The following CBLN2 variants were observed in gnomAD, a reference collection of about 807,000 sequenced individuals.
CBLN2 encodes the protein cerebellin 2 precursor.
Under a neutral mutation model 15.0 loss-of-function variants are expected in CBLN2, and 7 were observed. The ratio of observed to expected loss-of-function variants is 0.47; its 90% CI spans 0.27 to 0.88. CBLN2 has a LOEUF of 0.88. Among genes scored for constraint, CBLN2 ranks in the 40% least tolerant of loss-of-function variants. The pLI is 0.14. For synonymous variants in CBLN2, 149 were observed against 135.2 expected (o/e 1.10, Z -0.71); for missense variants, 242 against 304.5 (o/e 0.79, Z 1.53).
At chr18:72,605,533 C>A (rs1047717828) in intron 1 of CBLN2, among the ~76,000 whole-genome samples, 1 of 152,032 alleles carries the variant, frequency 6.6e-6, no homozygotes, top group Non-Finnish European at 1.5e-5. Context: ...TAGTAAAGTG[C>A]TTTTAAAAAT....
chr18:72,618,987 G>A (rs967135842), intron 1 of CBLN2: 23 of 766,210 alleles, frequency 3.0e-5, no homozygotes, highest in Non-Finnish European at 4.7e-5. Flanking sequence ...GTGGCAGCGG[G>A]GATGGTCATC....
intron 1 of CBLN2, among the ~76,000 whole-genome samples, chr18:72,564,669 A>G (rs2069282864): frequency 6.6e-6 from 1 of 152,222 alleles, no homozygotes; most frequent in African/African-American, 2.4e-5. Flanking sequence ...CATTATGTGA[A>G]CAAATATTTG....
intron 3 of CBLN2, 193 bp from the exon 4 acceptor site, chr18:72,538,965 C>T (rs2069089013): frequency 1.8e-6 from 1 of 553,472 alleles, no homozygotes; most frequent in Admixed American, 3.1e-5. Context: ...AGGAAGTAAT[C>T]TCAAAGGTAT....
chr18:72,630,359 G>C (rs2069766729), intron 1 of CBLN2, among the ~76,000 whole-genome samples: 1 of 152,074 alleles, frequency 6.6e-6, no homozygotes, highest in Non-Finnish European at 1.5e-5. Context: ...TATGTCACTT[G>C]TCTATCTCTT....
At position 72,595,888 on chromosome 18, in the gene CBLN2, C is replaced by T. The variant is rs576160107; in HGVS notation, c.15+42437G>A. On this transcript the variant is annotated intron_variant, in intron 1 of 2. Coordinates refer to the CBLN2 transcript ENST00000581073. Reference sequence around the variant, plus strand: ...TTGGCATGGAATGTCTTTTTCCATTCCCTTATTTTCAGTCTATGTGTGTCT... The same window carrying T: ...TTGGCATGGAATGTCTTTTTCCATTTCCTTATTTTCAGTCTATGTGTGTCT... 3.4e-3 allele frequency among the ~76,000 whole-genome samples: 509 copies of T among 151,920 alleles called. 6 individuals carry two copies. Among genetic ancestry groups the T allele is most frequent in the African/African-American group, 0.012 (494 of 41,438 alleles).
intron 1 of CBLN2, among the ~76,000 whole-genome samples, chr18:72,625,919 G>A (rs1568135774): frequency 6.7e-6 from 1 of 149,830 alleles, no homozygotes; most frequent in South Asian, 2.1e-4. Flanking sequence ...GATGTGTTGT[G>A]ATTGAGGCTA....
chr18:72,598,801 C>T (rs2069529110), intron 1 of CBLN2, among the ~76,000 whole-genome samples: 1 of 152,212 alleles, frequency 6.6e-6, no homozygotes, highest in African/African-American at 2.4e-5. Context: ...CAGCTGAGTT[C>T]TGTCCTGTGT....
intron 1 of CBLN2, among the ~76,000 whole-genome samples, chr18:72,584,880 C>T (rs1203801889): frequency 3.5e-4 from 54 of 152,200 alleles, no homozygotes; most frequent in Admixed American, 3.5e-3. Context: ...ACCCACTAGG[C>T]CTGGCAGGCT....
chr18:72,563,158 T>G (rs1435192240), intron 1 of CBLN2, among the ~76,000 whole-genome samples: 1 of 151,966 alleles, frequency 6.6e-6, no homozygotes, highest in Non-Finnish European at 1.5e-5. Flanking sequence ...AATCCAGAGA[T>G]TAAATCACAA....
chr18:72,564,652 G>A (rs1405375991), intron 1 of CBLN2, among the ~76,000 whole-genome samples: 1 of 152,162 alleles, frequency 6.6e-6, no homozygotes, highest in Non-Finnish European at 1.5e-5. Context: ...CAATATTTAT[G>A]AGATACCATT....
intron 1 of CBLN2, among the ~76,000 whole-genome samples, chr18:72,574,538 G>T (rs1026769813): frequency 2.0e-5 from 3 of 152,164 alleles, no homozygotes; most frequent in Admixed American, 6.5e-5. Flanking sequence ...TTGTGTATGT[G>T]AGAGGTGATG....
chr18:72,559,234 T>G (rs116975597), intron 1 of CBLN2, among the ~76,000 whole-genome samples: 1,831 of 152,304 alleles, frequency 0.012, 18 homozygotes, highest in Non-Finnish European at 0.018. Flanking sequence ...TGCAATACAA[T>G]TAACCAATCA....
intron 1 of CBLN2, among the ~76,000 whole-genome samples, chr18:72,593,509 C>T (rs1227202552): frequency 6.6e-6 from 1 of 152,076 alleles, no homozygotes; most frequent in Non-Finnish European, 1.5e-5. Flanking sequence ...GTTTCTTTCT[C>T]TTGTGTGATT....
upstream of CBLN2, among the ~76,000 whole-genome samples, chr18:72,547,247 A>G (rs1196025222): frequency 1.3e-5 from 2 of 152,144 alleles, no homozygotes; most frequent in Non-Finnish European, 2.9e-5. Context: ...TAAGCGAAAT[A>G]ACTCAAAGTC....
chr18:72,619,466 A>G (rs2069685121), intron 1 of CBLN2, among the ~76,000 whole-genome samples: 1 of 152,236 alleles, frequency 6.6e-6, no homozygotes, highest in Non-Finnish European at 1.5e-5. Context: ...AAGCATTCCA[A>G]CAAAGGGTTT....
intron 1 of CBLN2, among the ~76,000 whole-genome samples, chr18:72,612,735 T>A (rs2069630709): frequency 6.6e-6 from 1 of 152,234 alleles, no homozygotes; most frequent in African/African-American, 2.4e-5. Flanking sequence ...AAGTTTAAAA[T>A]CCTACATGAT....
intron 1 of CBLN2, among the ~76,000 whole-genome samples, chr18:72,553,275 A>G (rs2069202382): frequency 6.6e-6 from 1 of 152,160 alleles, no homozygotes; most frequent in South Asian, 2.1e-4. Flanking sequence ...GGGAAATACA[A>G]CGACAAGTGC....
intron 1 of CBLN2, chr18:72,618,292 A>C (rs1171243531): frequency 2.4e-6 from 1 of 417,726 alleles, no homozygotes; most frequent in Admixed American, 3.5e-5. Flanking sequence ...TCTCCTAAAG[A>C]GCCCGATTAG....
intron 1 of CBLN2, among the ~76,000 whole-genome samples, chr18:72,624,513 GC>G (rs1449770102): frequency 6.6e-6 from 1 of 152,096 alleles, no homozygotes; most frequent in Non-Finnish European, 1.5e-5. Flanking sequence ...GGTGGCACAT[GC>G]CCATAATCCC....
Sources: allele counts gnomAD v4.1 joint callset (sites outside exome capture counted in the v4.1 genomes callset), GRCh38; gene constraint gnomAD v4.1.1; transcripts MANE v1.5; gene names NCBI Gene and HGNC (gene_info 2026-07-23, HGNC 2026-07-21).